Variants in AUTS2 observed in about 807,000 individuals in gnomAD.
AUTS2 encodes the protein autism susceptibility gene 2 protein.
Under a neutral mutation model 112.4 loss-of-function variants are expected in AUTS2, and 17 were observed. That is an observed-to-expected ratio of 0.15 (90% CI 0.10 to 0.23). AUTS2 has a LOEUF of 0.23. Ranked by LOEUF, AUTS2 falls within the 10% of genes least tolerant of loss-of-function variation. The pLI, the probability that AUTS2 is intolerant of heterozygous loss-of-function variation, is 1.00. For synonymous variants in AUTS2, 751 were observed against 702.7 expected, an observed-to-expected ratio of 1.07 and a Z score of -1.09; for missense variants, 1,510 against 1,701.6, an observed-to-expected ratio of 0.89 and a Z score of 1.98.
chr7:70,324,894 G>A (rs1337713775), intron 4 of AUTS2, among the ~76,000 whole-genome samples: 1 of 152,104 alleles, frequency 6.6e-6, no homozygotes, highest in African/African-American at 2.4e-5. Context: ...GTCGTTCTCT[G>A]TCTTTGCTTA....
chr7:69,869,946 C>G (rs976249903), intron 1 of AUTS2, among the ~76,000 whole-genome samples: 2 of 152,106 alleles, frequency 1.3e-5, no homozygotes, highest in Non-Finnish European at 2.9e-5. Context: ...ATAGAAAAAA[C>G]TGTGCCTTAT....
intron 2 of AUTS2, among the ~76,000 whole-genome samples, chr7:70,086,903 T>A (rs1370082808): frequency 6.6e-6 from 1 of 151,828 alleles, no homozygotes; most frequent in African/African-American, 2.4e-5. Context: ...TAGTTGATAA[T>A]GTCAAAGAAG....
intron 5 of AUTS2, among the ~76,000 whole-genome samples, chr7:70,665,486 G>C (rs1437072369): frequency 1.2e-5 from 1 of 82,088 alleles, no homozygotes; most frequent in African/African-American, 6.3e-5. Context: ...TATTTTTGTA[G>C]AGGTAGAATC....
intron 2 of AUTS2, among the ~76,000 whole-genome samples, chr7:70,100,420 G>A (rs573633488): frequency 1.3e-5 from 2 of 151,202 alleles, no homozygotes; most frequent in East Asian, 1.9e-4. Context: ...AAGCTATAAC[G>A]GTTGTACCAT....
At chr7:70,090,453 T>G (rs968829786) in intron 2 of AUTS2, among the ~76,000 whole-genome samples, 1 of 151,976 alleles carries the variant, frequency 6.6e-6, no homozygotes. Context: ...AATCTTCACC[T>G]CCTGGGTTCA....
At chr7:70,462,995 T>C (rs989057572) in intron 5 of AUTS2, among the ~76,000 whole-genome samples, 4 of 151,914 alleles carry the variant, frequency 2.6e-5, no homozygotes, top group African/African-American at 9.7e-5. Flanking sequence ...ACAAAGTCAA[T>C]CATCACTCAT....
intron 2 of AUTS2, among the ~76,000 whole-genome samples, chr7:70,063,225 G>A (rs536147195): frequency 6.6e-6 from 1 of 151,750 alleles, no homozygotes; most frequent in South Asian, 2.1e-4. Context: ...CAAATCAAGG[G>A]GTGGTTATTC....
chr7:70,299,171 A>G (rs1789084027), intron 4 of AUTS2, among the ~76,000 whole-genome samples: 1 of 152,212 alleles, frequency 6.6e-6, no homozygotes, highest in Admixed American at 6.5e-5. Flanking sequence ...AGCTACACAG[A>G]TGGAAATGAT....
chr7:70,244,257 A>T (rs1212044374), intron 4 of AUTS2, among the ~76,000 whole-genome samples: 3 of 152,192 alleles, frequency 2.0e-5, no homozygotes, highest in African/African-American at 7.2e-5. Flanking sequence ...ATTACTGTAG[A>T]TGTTATATTC....
intron 4 of AUTS2, among the ~76,000 whole-genome samples, chr7:70,276,877 T>C (rs143933942): frequency 1.2e-3 from 183 of 152,208 alleles, no homozygotes; most frequent in African/African-American, 3.9e-3. Context: ...AAAGAGTTTA[T>C]CAGACTGAGG....
At chr7:70,670,750 C>T (rs1012730454) in intron 5 of AUTS2, among the ~76,000 whole-genome samples, 2 of 152,206 alleles carry the variant, frequency 1.3e-5, no homozygotes, top group African/African-American at 4.8e-5. Flanking sequence ...AAACAACCCT[C>T]ATCCCCTTAA....
intron 5 of AUTS2, among the ~76,000 whole-genome samples, chr7:70,615,878 G>A (rs1477012339): frequency 6.6e-6 from 1 of 152,078 alleles, no homozygotes; most frequent in Non-Finnish European, 1.5e-5. Flanking sequence ...CCGAGTAGCT[G>A]AGATTACAGG....
At chr7:70,662,305 A>AC (rs2129542992) in intron 5 of AUTS2, among the ~76,000 whole-genome samples, 1 of 152,336 alleles carries the variant, frequency 6.6e-6, no homozygotes, top group African/African-American at 2.4e-5. Flanking sequence ...TTATCCTGGA[A>AC]CAGGCACCAC....
At chr7:70,699,215 A>C (rs889010798) in intron 6 of AUTS2, 2 of 150,494 alleles carry the variant, frequency 1.3e-5, no homozygotes, top group African/African-American at 2.4e-5. Context: ...GTTTCTGCGC[A>C]GCTTTCATTT....
intron 5 of AUTS2, among the ~76,000 whole-genome samples, chr7:70,514,101 TTATC>T (rs1237527367): frequency 3.3e-5 from 5 of 152,262 alleles, no homozygotes; most frequent in Non-Finnish European, 5.9e-5. Flanking sequence ...TTTTGGCTGT[TTATC>T]TATATGAGAT....
chr7:69,944,155 C>T (rs1393640355), intron 2 of AUTS2, among the ~76,000 whole-genome samples: 1 of 152,160 alleles, frequency 6.6e-6, no homozygotes, highest in African/African-American at 2.4e-5. Context: ...TCCATGACAG[C>T]TCTTTAACAG....
At chr7:69,821,796 G>T (rs1175984435) in intron 1 of AUTS2, among the ~76,000 whole-genome samples, 1 of 151,818 alleles carries the variant, frequency 6.6e-6, no homozygotes, top group Non-Finnish European at 1.5e-5. Flanking sequence ...TCTGGACACA[G>T]TCCAAGCTAC....
chr7:69,723,454 T>A (rs1584136118), intron 1 of AUTS2, among the ~76,000 whole-genome samples: 1 of 152,188 alleles, frequency 6.6e-6, no homozygotes, highest in African/African-American at 2.4e-5. Flanking sequence ...TAGGTCCCAA[T>A]TCAAGCTTCA....
intron 4 of AUTS2, among the ~76,000 whole-genome samples, chr7:70,310,295 T>C (rs1367756084): frequency 2.0e-5 from 3 of 152,040 alleles, no homozygotes; most frequent in Admixed American, 6.5e-5. Flanking sequence ...CTATGCAGTC[T>C]CTGCACCTGT....
Sources: gnomAD v4.1 joint callset for allele counts (sites outside exome capture counted in the v4.1 genomes callset) on GRCh38, gnomAD v4.1.1 for gene constraint, MANE v1.5 for transcripts, NCBI Gene and HGNC (gene_info 2026-07-23, HGNC 2026-07-21) for gene names.